SEPTIN9: variants seen among roughly 807,000 people sequenced by gnomAD.
SEPTIN9 encodes septin-9.
Under a neutral mutation model 56.6 loss-of-function variants are expected in SEPTIN9, and 13 were observed. The observed-to-expected ratio is 0.23, with a 90% CI of 0.15 to 0.37. The LOEUF is 0.37. SEPTIN9 is among the 10% of genes least tolerant of loss of function. SEPTIN9 has a pLI of 1.00. For synonymous variants in SEPTIN9, 332 were observed against 334.1 expected, an observed-to-expected ratio of 0.99 and a Z score of 0.07; for missense variants, 650 against 823.1, an observed-to-expected ratio of 0.79 and a Z score of 2.57.
intron 1 of SEPTIN9, among the ~76,000 whole-genome samples, chr17:77,293,774 G>C (rs1170901189): frequency 6.6e-6 from 1 of 152,104 alleles, no homozygotes; most frequent in East Asian, 1.9e-4. Context: ...TCTTCAATAT[G>C]ATGACTTTGT....
rs1207787939 is a variant in SEPTIN9, at chr17:77,492,560, A to G, written c.1381-61A>G. The G allele has an allele frequency of 8.8e-6, 13 of 1,474,236 alleles. No homozygotes were observed. Among genetic ancestry groups the G allele is most frequent in the Non-Finnish European group, 1.1e-5 (12 of 1,053,028 alleles). The allele number at this position is 1,474,236 out of a possible 1,614,324, so 91.3% of individuals were successfully genotyped here. A position where few individuals can be genotyped will look rare whatever the true frequency, so the allele number is the denominator to read the frequency against. ...ACAGTGTGGAGGTCATGTGGCAAAC[A>G]CCAGTGGGTGGGTAGAGCTTGCCAC... On this transcript the variant is annotated intron_variant, in intron 8 of 11. Transcript: ENST00000427177. This position sits in a 1 kb window ranked among gnomAD's most constrained non-coding sequence, Gnocchi z 5.4.
Position 77,499,405 on chromosome 17 carries a change from C to A in SEPTIN9, c.*747C>A. 1.8e-6 allele frequency: 1 copy of A among 543,122 alleles called. No homozygotes were observed. Among genetic ancestry groups the A allele is most frequent in the South Asian group, 1.5e-5 (1 of 65,770 alleles). 33.6% of individuals were successfully genotyped at this position (543,122 alleles called of 1,614,324 possible). On this transcript the variant is annotated 3_prime_UTR_variant, in exon 12 of 12. Transcript: ENST00000427177. ...CGCCACCCCCGCCCCCACCGGGCTG[C>A]AGGTGCTGCTGATGCGCTGGGATCT...
chr17:77,479,700 G>A (rs1011815487), intron 3 of SEPTIN9, among the ~76,000 whole-genome samples: 3 of 151,764 alleles, frequency 2.0e-5, no homozygotes, highest in Admixed American at 1.3e-4. Flanking sequence ...GGCTCCAGGG[G>A]CGTTGGGGGC....
chr17:77,458,339 G>A (rs2038307555), intron 3 of SEPTIN9, among the ~76,000 whole-genome samples: 2 of 152,172 alleles, frequency 1.3e-5, no homozygotes, highest in African/African-American at 4.8e-5. Flanking sequence ...GATTTGGGAG[G>A]CCCCTCCCTG....
chr17:77,435,000 C>T lies in SEPTIN9; in HGVS notation c.721+32297C>T, dbSNP rs2037286537. Among the ~76,000 whole-genome samples the T allele has an allele frequency of 6.6e-6, 1 of 152,138 alleles. No homozygotes were observed. The highest frequency in any genetic ancestry group is 1.5e-5 in the Non-Finnish European group (1 of 68,028). On this transcript the variant is annotated intron_variant, in intron 3 of 11. Transcript: ENST00000427177. This position sits in a 1 kb window ranked among gnomAD's most constrained non-coding sequence, Gnocchi z 5.0. ...GCAACCGTGGCAGGAGTGGTGATGT[C>T]CGATGATGGTAACAAGGGCTTCCTG...
chr17:77,480,703 A>ACCG (rs2039421487), intron 3 of SEPTIN9, among the ~76,000 whole-genome samples: 1 of 152,056 alleles, frequency 6.6e-6, no homozygotes, highest in South Asian at 2.1e-4. Context: ...CTGGGTGCCC[A>ACCG]CCGGTCCCAG....
chr17:77,291,661 G>A (rs945686097), intron 1 of SEPTIN9, among the ~76,000 whole-genome samples: 2 of 151,976 alleles, frequency 1.3e-5, no homozygotes, highest in South Asian at 4.2e-4. Context: ...TTTTTGTAGC[G>A]ACAGGGTCTT....
At chr17:77,282,816 G>C (rs2031091938) in intron 1 of SEPTIN9, among the ~76,000 whole-genome samples, 1 of 152,206 alleles carries the variant, frequency 6.6e-6, no homozygotes, top group African/African-American at 2.4e-5. Flanking sequence ...TTTTGGCACC[G>C]GGGCTTCCTC....
chr17:77,353,693 G>A (rs770297140), intron 2 of SEPTIN9, among the ~76,000 whole-genome samples: 72 of 152,210 alleles, frequency 4.7e-4, no homozygotes, highest in Non-Finnish European at 7.6e-4. Context: ...GGGAATGAGA[G>A]CAGGCTCCAT....
intron 10 of SEPTIN9, among the ~76,000 whole-genome samples, chr17:77,493,858 T>C (rs312800): frequency 0.56 from 84,912 of 150,390 alleles, 26,096 homozygotes; most frequent in African/African-American, 0.82. Context: ...CTGCAACCTC[T>C]GCCTCCTGGG....
Position 77,494,436 on chromosome 17 carries a change from G to C in SEPTIN9, c.1573+1360G>C, listed in dbSNP as rs150792795. Among the ~76,000 whole-genome samples the C allele has an allele frequency of 5.1e-3, 782 of 152,342 alleles. 7 individuals carry two copies. Among genetic ancestry groups the C allele is most frequent in the African/African-American group, 0.017 (717 of 41,572 alleles). ...TTCTGGGAGAGCACTTGGCTGAAAGGCCCAGTAGAGCAGGAAGCACAAGTC... is the reference window on the plus strand; with the variant it reads ...TTCTGGGAGAGCACTTGGCTGAAAGCCCCAGTAGAGCAGGAAGCACAAGTC... On this transcript the variant is annotated intron_variant, in intron 10 of 11. Coordinates refer to ENST00000427177, the MANE Select transcript of SEPTIN9 (RefSeq NM_001113491.2).
At chr17:77,489,606 C>T (rs1409672334) in intron 7 of SEPTIN9, among the ~76,000 whole-genome samples, 2 of 152,124 alleles carry the variant, frequency 1.3e-5, no homozygotes, top group African/African-American at 2.4e-5. Context: ...GAAGGTCCTT[C>T]GCACCTGCTG....
chr17:77,488,547 G>A (rs974496151), intron 6 of SEPTIN9, among the ~76,000 whole-genome samples, 180 bp from the exon 7 acceptor site: 11 of 152,166 alleles, frequency 7.2e-5, no homozygotes, highest in African/African-American at 9.7e-5. Context: ...AGGCCAGCCC[G>A]GGGAGGCTGG....
intron 2 of SEPTIN9, among the ~76,000 whole-genome samples, chr17:77,384,652 G>A (rs1018289927): frequency 5.3e-5 from 8 of 151,768 alleles, no homozygotes; most frequent in Admixed American, 6.6e-5. Flanking sequence ...TTGGGGACCA[G>A]CAGTCCATTT....
chr17:77,408,372 G>A (rs1333900840), intron 3 of SEPTIN9, among the ~76,000 whole-genome samples: 1 of 152,228 alleles, frequency 6.6e-6, no homozygotes, highest in Non-Finnish European at 1.5e-5. Context: ...GCATGTCTCA[G>A]TAGTTTTCCT....
At chr17:77,284,715 C>T (rs941655236) in intron 1 of SEPTIN9, among the ~76,000 whole-genome samples, 2 of 152,128 alleles carry the variant, frequency 1.3e-5, no homozygotes, top group Admixed American at 6.5e-5. Flanking sequence ...CTGCAACCTC[C>T]GCCTCCCAGG....
At chr17:77,373,510 G>C in intron 2 of SEPTIN9, 1 of 1,541,054 alleles carries the variant, frequency 6.5e-7, no homozygotes. Flanking sequence ...GTCGGACCCC[G>C]CGGTCAACGC....
rs549878044 is a variant in SEPTIN9, at chr17:77,329,346, G to C, written c.76+22149G>C. Among the ~76,000 whole-genome samples, 1 of 152,346 alleles carries C rather than the reference G, an allele frequency of 6.6e-6. No individual in the cohort carries two copies. The highest frequency in any genetic ancestry group is 2.1e-4 in the South Asian group (1 of 4,826). ...GCCTGGCTGCCCCCGTCAGCATCCA[G>C]CAGAGGCCACTGGATGCTGACAGGT... On this transcript the variant is annotated intron_variant, in intron 2 of 11. Coordinates refer to ENST00000427177, the MANE Select transcript of SEPTIN9 (RefSeq NM_001113491.2). The surrounding 1 kb of genome is among the most constrained non-coding windows in gnomAD (Gnocchi z 4.3).
chr17:77,320,009 C>T lies in SEPTIN9; in HGVS notation c.76+12812C>T, dbSNP rs75147264. ...AGACCCGGTGGTCTGCCGGACTCCTCGGGGCCCACTTCGGGCCCTCTCTCC... is the reference window on the plus strand; with the variant it reads ...AGACCCGGTGGTCTGCCGGACTCCTTGGGGCCCACTTCGGGCCCTCTCTCC... On this transcript the variant is annotated intron_variant, in intron 2 of 11. Coordinates refer to ENST00000427177, the MANE Select transcript of SEPTIN9 (RefSeq NM_001113491.2). 6.5e-3 allele frequency: 8,487 copies of T among 1,307,052 alleles called. 479 individuals are homozygous for T. In the African/African-American group the frequency reaches 0.11, roughly 17 times the overall value. 81.0% of individuals were successfully genotyped at this position (1,307,052 alleles called of 1,614,324 possible).
Sources: allele counts gnomAD v4.1 joint callset (sites outside exome capture counted in the v4.1 genomes callset), GRCh38; gene constraint gnomAD v4.1.1; non-coding constraint Gnocchi (gnomAD v3.1); transcripts MANE v1.5; gene names NCBI Gene and HGNC (gene_info 2026-07-23, HGNC 2026-07-21).